Variants in SPAST observed in about 807,000 individuals in gnomAD.
SPAST encodes the protein spastin.
A neutral mutation model predicts 76.6 loss-of-function variants in SPAST; 30 were observed. That is an observed-to-expected ratio of 0.39 (90% CI 0.29 to 0.53). The LOEUF (loss-of-function observed/expected upper bound fraction) is 0.53, where lower values mean the gene tolerates loss of function less well. Ranked by LOEUF, SPAST falls within the 20% of genes least tolerant of loss-of-function variation. The probability of loss-of-function intolerance (pLI) is 0.68; values close to 1 mark genes in which losing one functional copy is unlikely to be tolerated. For missense variants in SPAST, 717 were observed against 770.5 expected (o/e 0.93, Z 0.82); for synonymous variants, 305 against 281.0 (o/e 1.09, Z -0.86).
intron 7 of SPAST, among the ~76,000 whole-genome samples, chr2:32,125,904 C>T (rs572903818): frequency 3.6e-4 from 55 of 152,274 alleles, no homozygotes; most frequent in African/African-American, 1.3e-3. Flanking sequence ...ACGCCATTTT[C>T]CTGCCTCAGC....
chr2:32,110,398 G>A (rs1210495170), intron 4 of SPAST, among the ~76,000 whole-genome samples: 4 of 148,430 alleles, frequency 2.7e-5, no homozygotes, highest in Admixed American at 6.8e-5. Context: ...GATTACAGGC[G>A]TGAGCCACCG....
intron 12 of SPAST, among the ~76,000 whole-genome samples, chr2:32,138,309 TTA>T (rs910734866): frequency 6.6e-5 from 10 of 152,290 alleles, no homozygotes; most frequent in Admixed American, 6.5e-4. Flanking sequence ...CCAACATCTG[TTA>T]TTTTTTTACT....
At chr2:32,136,798 A>C in intron 10 of SPAST, 79 bp from the exon 11 acceptor site, 1 of 1,259,826 alleles carries the variant, frequency 7.9e-7, no homozygotes. Context: ...CTATATTAAT[A>C]AGTAGTAAAC....
At chr2:32,069,920 G>A (rs1270291286) in intron 1 of SPAST, among the ~76,000 whole-genome samples, 1 of 151,868 alleles carries the variant, frequency 6.6e-6, no homozygotes, top group African/African-American at 2.4e-5. Context: ...GCATCAAACT[G>A]TAGTAGTGTT....
At chr2:32,098,399 C>T (rs908605437) in intron 3 of SPAST, among the ~76,000 whole-genome samples, 1 of 152,124 alleles carries the variant, frequency 6.6e-6, no homozygotes, top group Non-Finnish European at 1.5e-5. Context: ...GGAGTTGAGG[C>T]CACAGTGAGC....
chr2:32,129,340 C>T (rs1392193950), intron 9 of SPAST: 6 of 151,678 alleles, frequency 4.0e-5, no homozygotes, highest in Admixed American at 2.6e-4. Flanking sequence ...CCTCCTGCCT[C>T]GGACTCTCAA....
chr2:32,119,905 TC>T (rs1678959615), intron 7 of SPAST, among the ~76,000 whole-genome samples: 1 of 152,200 alleles, frequency 6.6e-6, no homozygotes, highest in African/African-American at 2.4e-5. Flanking sequence ...CTTTTATATT[TC>T]TTATTTTGTT....
chr2:32,095,903 T>C (rs1158061339), intron 3 of SPAST, among the ~76,000 whole-genome samples: 1 of 152,110 alleles, frequency 6.6e-6, no homozygotes, highest in East Asian at 1.9e-4. Context: ...AGATCATGGA[T>C]GGCCTGGTTT....
intron 7 of SPAST, among the ~76,000 whole-genome samples, chr2:32,120,232 T>C (rs1447618024): frequency 3.3e-5 from 5 of 152,154 alleles, no homozygotes; most frequent in Non-Finnish European, 7.4e-5. Flanking sequence ...AATAATCTTA[T>C]AAAGCCATTT....
At chr2:32,102,011 G>C (rs1678144528) in intron 4 of SPAST, among the ~76,000 whole-genome samples, 1 of 152,196 alleles carries the variant, frequency 6.6e-6, no homozygotes, top group South Asian at 2.1e-4. Context: ...ATTCTGTGAA[G>C]AAAGTCATTT....
chr2:32,089,395 C>CTT (rs199751931), intron 2 of SPAST, 127 bp from the exon 3 acceptor site: 2 of 596,742 alleles, frequency 3.4e-6, no homozygotes, highest in Non-Finnish European at 5.9e-6. Context: ...ACATTTTCTT[C>CTT]TTTTTTTTAA....
chr2:32,114,708 A>T lies in SPAST; in HGVS notation c.753A>T (p.Thr251=). Residue 251 remains threonine, a synonymous_variant, in exon 5 of 17, where the codon ACA becomes ACT. Transcript: ENST00000315285. ...HTSNSLPRSK[T]VMKTGSAGLS... ...GTAATTCACTGCCTCGTTCAAAAAC[A>T]GTTATGAAAACTGGATCTGCAGGCC... 6.2e-7 allele frequency: 1 copy of T among 1,614,140 alleles called. No individual in the cohort carries two copies. The highest frequency in any genetic ancestry group is 8.5e-7 in the Non-Finnish European group (1 of 1,179,984).
rs1678766239 is a variant in SPAST at position 32,114,843 on chromosome 2, CTT to C, written c.870+20_870+21del. On this transcript the variant is annotated intron_variant, in intron 5 of 16. Coordinates refer to ENST00000315285, the MANE Select transcript of SPAST (RefSeq NM_014946.4). ...CTCATAAGGTATTCTGGGACAGTAA[CTT>C]TAATTGCTGTCTTTTTGCAAATAGA... 6.3e-7 allele frequency: 1 copy of C among 1,595,700 alleles called. No homozygotes were observed.
intron 1 of SPAST, among the ~76,000 whole-genome samples, chr2:32,084,693 C>T (rs1176075860): frequency 6.6e-6 from 1 of 151,234 alleles, no homozygotes; most frequent in African/African-American, 2.4e-5. Context: ...TGAGTCCAGC[C>T]TGGCCAACAT....
intron 4 of SPAST, among the ~76,000 whole-genome samples, chr2:32,100,111 A>G (rs560412055): frequency 6.6e-4 from 100 of 152,218 alleles, no homozygotes; most frequent in African/African-American, 2.3e-3. Flanking sequence ...TAGCTGTACT[A>G]GTTTAGATTC....
At chr2:32,110,801 T>G (rs1258354772) in intron 4 of SPAST, among the ~76,000 whole-genome samples, 1 of 139,296 alleles carries the variant, frequency 7.2e-6, no homozygotes, top group Non-Finnish European at 1.5e-5. Context: ...ATAGTATACA[T>G]AGTATACTAT....
chr2:32,090,085 A>G (rs761981165), intron 3 of SPAST, among the ~76,000 whole-genome samples: 1 of 152,200 alleles, frequency 6.6e-6, no homozygotes, highest in Non-Finnish European at 1.5e-5. Context: ...ACTTCTAATT[A>G]TTCTTCTCTC....
intron 1 of SPAST, among the ~76,000 whole-genome samples, chr2:32,070,251 A>T (rs1160880337): frequency 2.0e-5 from 3 of 151,648 alleles, no homozygotes; most frequent in Admixed American, 6.6e-5. Context: ...TATTTTTAGG[A>T]GAGACAGGGT....
intron 1 of SPAST, among the ~76,000 whole-genome samples, chr2:32,070,725 G>T (rs1325491549): frequency 6.6e-6 from 1 of 152,060 alleles, no homozygotes; most frequent in African/African-American, 2.4e-5. Flanking sequence ...AGCCTCGCAG[G>T]CTCAATCGAT....
Sources: allele counts gnomAD v4.1 joint callset (sites outside exome capture counted in the v4.1 genomes callset), GRCh38; gene constraint gnomAD v4.1.1; transcripts MANE v1.5; gene names NCBI Gene and HGNC (gene_info 2026-07-23, HGNC 2026-07-21).